The following NR5A2 variants were observed in gnomAD, a reference collection of about 807,000 sequenced individuals.
The protein encoded by NR5A2 is CYP7A promoter-binding factor.
Under a neutral mutation model 62.7 loss-of-function variants are expected in NR5A2, and 26 were observed. The ratio of observed to expected loss-of-function variants is 0.41; its 90% confidence interval spans 0.30 to 0.58. NR5A2 has a LOEUF of 0.58. Among genes scored for constraint, NR5A2 ranks in the 20% least tolerant of loss-of-function variants. The pLI, the probability that NR5A2 is intolerant of heterozygous loss-of-function variation, is 0.22. For synonymous variants in NR5A2, 246 were observed against 241.7 expected (o/e 1.02, Z -0.16); for missense variants, 541 against 669.1 (o/e 0.81, Z 2.11).
intron 7 of NR5A2, among the ~76,000 whole-genome samples, chr1:200,123,321 G>A (rs1217504338): frequency 6.6e-6 from 1 of 152,188 alleles, no homozygotes; most frequent in African/African-American, 2.4e-5. Flanking sequence ...GTCCCAAGCG[G>A]GTGCAGCGTT....
intron 5 of NR5A2, among the ~76,000 whole-genome samples, chr1:200,084,317 CA>C (rs1664429969): frequency 6.6e-6 from 1 of 152,098 alleles, no homozygotes; most frequent in Non-Finnish European, 1.5e-5. Context: ...GAGATCATAC[CA>C]GTTTTCCCAA....
At chr1:200,028,425 C>CAAAAAAAAAAAA (rs67706127) in intron 1 of NR5A2, among the ~76,000 whole-genome samples, 3 of 83,636 alleles carry the variant, frequency 3.6e-5, no homozygotes, top group Admixed American at 1.4e-4. Flanking sequence ...CCCCCACCTC[C>CAAAAAAAAAAAA]AAAAAAAAAA....
intron 7 of NR5A2, among the ~76,000 whole-genome samples, chr1:200,144,600 A>G (rs998452486): frequency 3.9e-5 from 6 of 152,284 alleles, no homozygotes; most frequent in Middle Eastern, 6.8e-3. Flanking sequence ...TCCAATTTTT[A>G]TTACATTTGC....
chr1:200,119,290 C>T (rs755484950), intron 6 of NR5A2, among the ~76,000 whole-genome samples: 8 of 152,160 alleles, frequency 5.3e-5, no homozygotes, highest in Non-Finnish European at 7.3e-5. Flanking sequence ...AGCCCTGTGC[C>T]TTCTCCTAGA....
Position 200,174,300 on chromosome 1 carries a change from T to G in NR5A2, c.*90T>G. 1.5e-6 allele frequency: 2 copies of G among 1,373,784 alleles called. No individual in the cohort carries two copies. Among genetic ancestry groups the G allele is most frequent in the Non-Finnish European group, 1.9e-6 (2 of 1,044,272 alleles). The allele number at this position is 1,373,784 out of a possible 1,614,324, so 85.1% of individuals were successfully genotyped here. A position where few individuals can be genotyped will look rare whatever the true frequency, so the allele number is the denominator to read the frequency against. ...AAGAACAGGAAGAAAAAAAGTACTC[T>G]GAACTGCTCCAAGTAACGCTAATTA... On this transcript the variant is annotated 3_prime_UTR_variant, in exon 8 of 8. Coordinates refer to ENST00000367362, the MANE Select transcript of NR5A2 (RefSeq NM_205860.3).
intron 7 of NR5A2, among the ~76,000 whole-genome samples, chr1:200,121,287 C>T (rs1666471223): frequency 6.6e-6 from 1 of 152,164 alleles, no homozygotes; most frequent in Admixed American, 6.6e-5. Context: ...TGTATGGTAT[C>T]AAATTTTAGC....
chr1:200,039,599 C>G lies in NR5A2; in HGVS notation c.65-59C>G, dbSNP rs958165854. On this transcript the variant is annotated intron_variant, in intron 1 of 7. Transcript: ENST00000367362. The surrounding 1 kb of genome is among the most constrained non-coding windows in gnomAD (Gnocchi z 5.1). ...GAGGCGAGAGGGTTGGGTTAGCAGGCATCCCGGTCGCCCCTTCCTTCTTTT... is the reference window on the plus strand; with the variant it reads ...GAGGCGAGAGGGTTGGGTTAGCAGGGATCCCGGTCGCCCCTTCCTTCTTTT... The G allele has an allele frequency of 1.0e-5, 16 of 1,604,852 alleles. No individual in the cohort carries two copies. In the African/African-American group the frequency reaches 1.9e-4, roughly 19 times the overall value.
chr1:200,048,383 G>A lies in NR5A2; in HGVS notation c.675G>A (p.Leu225=). The A allele has an allele frequency of 6.2e-7, 1 of 1,614,140 alleles. No individual in the cohort carries two copies. The highest frequency in any genetic ancestry group is 8.5e-7 in the Non-Finnish European group (1 of 1,180,026). ...NIHSASKGLP[L]NHAALPPTDY... The stretch of plus-strand genomic sequence containing the variant: ...ACTCTGCCTCCAAAGGCCTACCTCT[G>A]AACCATGCTGCCTTGCCTCCTACAG... The change falls in exon 5 of 8, where the codon CTG becomes CTA. Residue 225 remains leucine (L), a synonymous_variant. Coordinates refer to ENST00000367362, the MANE Select transcript of NR5A2 (RefSeq NM_205860.3). This position sits in a 1 kb window ranked among gnomAD's most constrained non-coding sequence, Gnocchi z 4.8.
intron 7 of NR5A2, among the ~76,000 whole-genome samples, chr1:200,124,333 C>T (rs1343828763): frequency 6.6e-6 from 1 of 152,172 alleles, no homozygotes; most frequent in African/African-American, 2.4e-5. Flanking sequence ...AGTCATTCTT[C>T]ACTAAAGTTT....
At chr1:200,033,055 GGT>G (rs1661603928) in intron 1 of NR5A2, among the ~76,000 whole-genome samples, 1 of 152,172 alleles carries the variant, frequency 6.6e-6, no homozygotes, top group South Asian at 2.1e-4. Flanking sequence ...CACAGGGAGT[GGT>G]GTATGGAAAG....
chr1:200,037,077 C>A (rs1365146048), intron 1 of NR5A2, among the ~76,000 whole-genome samples: 1 of 152,132 alleles, frequency 6.6e-6, no homozygotes, highest in South Asian at 2.1e-4. Flanking sequence ...CTCCATCTTT[C>A]GGGGATGTGG....
At chr1:200,138,327 T>C (rs1227775584) in intron 7 of NR5A2, among the ~76,000 whole-genome samples, 1 of 152,230 alleles carries the variant, frequency 6.6e-6, no homozygotes, top group Non-Finnish European at 1.5e-5. Flanking sequence ...TTTTTCCATG[T>C]CATCACCAGC....
At chr1:200,084,165 T>C (rs1664423975) in intron 5 of NR5A2, among the ~76,000 whole-genome samples, 1 of 152,048 alleles carries the variant, frequency 6.6e-6, no homozygotes, top group South Asian at 2.1e-4. Context: ...CTTTTGAGGA[T>C]CATATTTATA....
At position 200,144,774 on chromosome 1, in the gene NR5A2, G is replaced by A. The variant is rs138211459; in HGVS notation, c.1378+23819G>A. On this transcript the variant is annotated intron_variant, in intron 7 of 7. Coordinates refer to ENST00000367362, the MANE Select transcript of NR5A2 (RefSeq NM_205860.3). ...CTCATTTAATTCCTTCACCAATTACGGTATGAGGTGAAATTTGCTCATTTT... is the reference window on the plus strand; with the variant it reads ...CTCATTTAATTCCTTCACCAATTACAGTATGAGGTGAAATTTGCTCATTTT... Among the ~76,000 whole-genome samples, 530 of 152,138 alleles carry A rather than the reference G, an allele frequency of 3.5e-3. 4 individuals carry two copies. Among genetic ancestry groups the A allele is most frequent in the Non-Finnish European group, 3.2e-3 (218 of 68,006 alleles).
At position 200,167,358 on chromosome 1, in the gene NR5A2, CT is replaced by C. The variant is rs1194928626; in HGVS notation, c.1379-6604del. Among the ~76,000 whole-genome samples the C allele has an allele frequency of 2.0e-5, 3 of 152,154 alleles. No individual in the cohort carries two copies. The South Asian group carries it at 6.2e-4, about 32-fold the overall frequency. On this transcript the variant is annotated intron_variant, in intron 7 of 7. Transcript: ENST00000367362. The stretch of plus-strand genomic sequence containing the variant: ...CATCCAGGACCCTCACTCTTTCTCT[CT>C]GTCTCTCCTATTTTTTATTAACCCA...
rs1332373332 is a variant in NR5A2 at position 200,045,235 on chromosome 1, G to A, written c.322-208G>A. On this transcript the variant is annotated intron_variant, in intron 3 of 7. Coordinates refer to ENST00000367362, the MANE Select transcript of NR5A2 (RefSeq NM_205860.3). The stretch of plus-strand genomic sequence containing the variant: ...CCCAGGATTTGACGTAATTCTTCAA[G>A]AATAAAACTGATGCCAGAAAAATCT... Among the ~76,000 whole-genome samples, 3 of 152,076 alleles carry A rather than the reference G, an allele frequency of 2.0e-5. No individual in the cohort carries two copies. In the East Asian group the frequency reaches 5.8e-4, roughly 29 times the overall value.
chr1:200,132,156 C>G (rs1441128495), intron 7 of NR5A2, among the ~76,000 whole-genome samples: 1 of 152,082 alleles, frequency 6.6e-6, no homozygotes, highest in Non-Finnish European at 1.5e-5. Context: ...ATTACAAGTG[C>G]CTGCTACCAC....
intron 1 of NR5A2, chr1:200,029,125 G>A (rs556696070): frequency 1.1e-5 from 5 of 440,834 alleles, no homozygotes; most frequent in Non-Finnish European, 2.3e-5. Context: ...GCGGTGCGCA[G>A]GCAAGGAGTC....
In NR5A2 at chr1:200,128,204, C is replaced by T. The variant is rs1404292821; in HGVS notation, c.1378+7249C>T. Among the ~76,000 whole-genome samples the T allele has an allele frequency of 2.0e-5, 3 of 152,172 alleles. No individual in the cohort carries two copies. In the East Asian group the frequency reaches 5.8e-4, roughly 29 times the overall value. Reference sequence around the variant, plus strand: ...CCCGAGCATACAAAACATTGGTCCTCCATACAGGCAGGTTTCGTATCTGTG... The same window carrying T: ...CCCGAGCATACAAAACATTGGTCCTTCATACAGGCAGGTTTCGTATCTGTG... On this transcript the variant is annotated intron_variant, in intron 7 of 7. Coordinates refer to ENST00000367362, the MANE Select transcript of NR5A2 (RefSeq NM_205860.3).
Sources: gnomAD v4.1 joint callset for allele counts (sites outside exome capture counted in the v4.1 genomes callset) on GRCh38, gnomAD v4.1.1 for gene constraint, Gnocchi (gnomAD v3.1) non-coding constraint, MANE v1.5 for transcripts, NCBI Gene and HGNC (gene_info 2026-07-23, HGNC 2026-07-21) for gene names.